The following DDX60 variants were observed in gnomAD, a reference collection of about 807,000 sequenced individuals.
DDX60 encodes the protein DExD/H-box helicase 60.
In DDX60, 165 loss-of-function variants were observed where a neutral mutation model predicts 212.8. The observed-to-expected ratio is 0.78, with a 90% CI of 0.68 to 0.88. DDX60 has a LOEUF of 0.88. Among genes scored for constraint, DDX60 ranks in the 40% least tolerant of loss-of-function variants. The pLI, the probability that DDX60 is intolerant of heterozygous loss-of-function variation, is 0.00. For synonymous variants in DDX60, 703 were observed against 685.3 expected (o/e 1.03, Z -0.40); for missense variants, 1,905 against 2,003.9 (o/e 0.95, Z 0.94).
chr4:168,245,660 T>C (rs1023042293), intron 30 of DDX60, among the ~76,000 whole-genome samples: 3 of 152,188 alleles, frequency 2.0e-5, no homozygotes, highest in African/African-American at 7.2e-5. Flanking sequence ...AAACAGTATC[T>C]GATTTAACTG....
intron 33 of DDX60, among the ~76,000 whole-genome samples, chr4:168,228,814 T>C (rs904423534): frequency 8.5e-5 from 13 of 152,092 alleles, no homozygotes; most frequent in African/African-American, 3.1e-4. Context: ...CTAAAGTATA[T>C]ATTTATTTTA....
rs201353977 is a variant in DDX60 at position 168,237,691 on chromosome 4, C to T, written c.4269G>A (p.Glu1423=). 1 of 1,609,482 alleles carries T rather than the reference C, an allele frequency of 6.2e-7. No individual in the cohort carries two copies. The highest frequency in any genetic ancestry group is 1.3e-5 in the African/African-American group (1 of 74,868). The change falls in exon 31 of 38, where the codon GAG becomes GAA. Residue 1423 remains glutamate, a splice_region_variant and synonymous_variant. Transcript: ENST00000393743. Reference sequence around the variant, plus strand: ...AAAACAAAAGTGCAGTAATGCATACCTCTTTCACCAGGAACTGCAAAGAAA... The same window carrying T: ...AAAACAAAAGTGCAGTAATGCATACTTCTTTCACCAGGAACTGCAAAGAAA... ...FLFSLQFLVK[E]GYLDQEGNPM...
rs1263978146 is a variant in DDX60 at position 168,264,548 on chromosome 4, AG to A, written c.3040-1762del. Among the ~76,000 whole-genome samples, 21 of 54,028 alleles carry A rather than the reference AG, an allele frequency of 3.9e-4. 2 individuals are homozygous for A. Among genetic ancestry groups the A allele is most frequent in the African/African-American group, 1.7e-3 (12 of 7,170 alleles). The allele number at this position is 54,028 out of a possible 152,430, so 35.4% of individuals were successfully genotyped here. On this transcript the variant is annotated intron_variant, in intron 22 of 37. Coordinates refer to ENST00000393743, the MANE Select transcript of DDX60 (RefSeq NM_017631.6). The stretch of plus-strand genomic sequence containing the variant: ...TATAAATCTTCTGTTTTTGGTTGCT[AG>A]CTAGAATGCTTATGATTTCTTAAGT...
chr4:168,275,128 C>T (rs191252073), intron 16 of DDX60, among the ~76,000 whole-genome samples: 1 of 152,236 alleles, frequency 6.6e-6, no homozygotes, highest in Admixed American at 6.5e-5. Context: ...CATATGACTC[C>T]ATTAATGTAC....
chr4:168,269,214 C>T (rs1734982112), intron 19 of DDX60, among the ~76,000 whole-genome samples: 1 of 152,164 alleles, frequency 6.6e-6, no homozygotes, highest in Non-Finnish European at 1.5e-5. Context: ...AACCTAGCTA[C>T]TCTCATATCT....
chr4:168,286,705 T>C (rs569851), intron 10 of DDX60, among the ~76,000 whole-genome samples: 9 of 151,748 alleles, frequency 5.9e-5, no homozygotes, highest in African/African-American at 1.9e-4. Flanking sequence ...AGCTATAATG[T>C]TATAAAAAGA....
intron 30 of DDX60, 86 bp downstream of exon 30, chr4:168,246,332 G>T: frequency 6.7e-7 from 1 of 1,489,106 alleles, no homozygotes; most frequent in Non-Finnish European, 9.3e-7. Context: ...AAGGGTGATT[G>T]CTACAGACTT....
At chr4:168,230,081 C>G (rs1030975668) in intron 33 of DDX60, among the ~76,000 whole-genome samples, 18 of 151,920 alleles carry the variant, frequency 1.2e-4, no homozygotes, top group African/African-American at 4.4e-4. Flanking sequence ...ATTTTTATAT[C>G]AGACAAAACA....
chr4:168,236,480 T>A, intron 32 of DDX60, 107 bp from the exon 33 acceptor site: 1 of 1,019,812 alleles, frequency 9.8e-7, no homozygotes, highest in Non-Finnish European at 1.4e-6. Flanking sequence ...AACTAAAAAT[T>A]TATGACAAAC....
chr4:168,253,990 C>T (rs17053876), intron 26 of DDX60, among the ~76,000 whole-genome samples: 14,792 of 152,216 alleles, frequency 0.097, 1,160 homozygotes, highest in African/African-American at 0.22. Flanking sequence ...TGTTAAGTAA[C>T]GTTACCTTTA....
At position 168,317,802 on chromosome 4, in the gene DDX60, G is replaced by T. The variant is rs191972135; in HGVS notation, c.-107+820C>A. On this transcript the variant is annotated intron_variant, in intron 1 of 37. Coordinates refer to ENST00000393743, the MANE Select transcript of DDX60 (RefSeq NM_017631.6). ...GTATAAGCCACCTTGTTGTGAGAAG[G>T]CCACTGTAGCTAAGATCTCAGGGTG... Among the ~76,000 whole-genome samples, 112 of 152,272 alleles carry T rather than the reference G, an allele frequency of 7.4e-4. 1 individual carries two copies. Among genetic ancestry groups the T allele is most frequent in the African/African-American group, 2.7e-3 (111 of 41,542 alleles).
Position 168,237,551 on chromosome 4 carries a change from C to A in DDX60, c.4270-124G>T. The A allele has an allele frequency of 2.1e-5, 24 of 1,167,264 alleles. No homozygotes were observed. The South Asian group carries it at 4.1e-4, about 20-fold the overall frequency. The allele number at this position is 1,167,264 out of a possible 1,614,324, so 72.3% of individuals were successfully genotyped here. A position where few individuals can be genotyped will look rare whatever the true frequency, so the allele number is the denominator to read the frequency against. ...GAAATATTTATAACTATTACTGGGC[C>A]CAACTTTTATAATTATACCATTTAT... On this transcript the variant is annotated intron_variant, in intron 31 of 37. Transcript: ENST00000393743.
intron 1 of DDX60, among the ~76,000 whole-genome samples, chr4:168,317,300 G>T (rs1160435323): frequency 6.6e-6 from 1 of 151,888 alleles, no homozygotes; most frequent in Non-Finnish European, 1.5e-5. Flanking sequence ...AAAAGGGGAT[G>T]AAAGAAATTG....
At chr4:168,238,911 T>TG (rs1166489042) in intron 30 of DDX60, among the ~76,000 whole-genome samples, 1 of 152,118 alleles carries the variant, frequency 6.6e-6, no homozygotes, top group Non-Finnish European at 1.5e-5. Context: ...CACTGATATT[T>TG]GGGCCAAAAA....
chr4:168,301,939 G>T (rs181812940), intron 6 of DDX60, among the ~76,000 whole-genome samples: 2 of 152,164 alleles, frequency 1.3e-5, no homozygotes, highest in South Asian at 4.1e-4. Flanking sequence ...TTACTGATTC[G>T]CAGTCTTCAA....
At chr4:168,311,815 C>T (rs1737146430) in intron 1 of DDX60, among the ~76,000 whole-genome samples, 1 of 151,976 alleles carries the variant, frequency 6.6e-6, no homozygotes. Flanking sequence ...ACATGCAGAG[C>T]CTTTGAAGTC....
At chr4:168,319,843 C>A (rs533039229), upstream of DDX60, among the ~76,000 whole-genome samples, 3 of 152,258 alleles carry the variant, frequency 2.0e-5, no homozygotes, top group Admixed American at 2.0e-4. Flanking sequence ...CACTGCTCCA[C>A]AGGGAACACA....
At chr4:168,272,002 G>A in intron 19 of DDX60, 41 bp downstream of exon 19, 1 of 1,407,788 alleles carries the variant, frequency 7.1e-7, no homozygotes. Context: ...CTATGCAAGT[G>A]TGCACTAGGG....
At chr4:168,285,358 A>T in intron 11 of DDX60, 35 bp downstream of exon 11, 2 of 1,219,576 alleles carry the variant, frequency 1.6e-6, no homozygotes, top group Non-Finnish European at 2.4e-6. Context: ...TATTCCACAC[A>T]AGTATTTATT....
Sources: allele counts gnomAD v4.1 joint callset (sites outside exome capture counted in the v4.1 genomes callset), GRCh38; gene constraint gnomAD v4.1.1; transcripts MANE v1.5; gene names NCBI Gene and HGNC (gene_info 2026-07-23, HGNC 2026-07-21).